The following ELF2 variants were observed in gnomAD, a reference collection of about 807,000 sequenced individuals.
ELF2 encodes E74 like ETS transcription factor 2.
Under a neutral mutation model 54.8 loss-of-function variants are expected in ELF2, and 11 were observed. The ratio of observed to expected loss-of-function variants is 0.20; its 90% CI spans 0.13 to 0.33. ELF2 has a LOEUF of 0.33. Among genes scored for constraint, ELF2 ranks in the 10% least tolerant of loss-of-function variants. The pLI is 1.00. For synonymous variants in ELF2, 203 were observed against 245.1 expected (o/e 0.83, Z 1.61); for missense variants, 513 against 703.0 (o/e 0.73, Z 3.06).
chr4:139,098,688 T>G (rs994717288), intron 4 of ELF2, among the ~76,000 whole-genome samples: 7 of 152,208 alleles, frequency 4.6e-5, no homozygotes, highest in Admixed American at 1.3e-4. Flanking sequence ...CAGGCTGCTC[T>G]TGAACTCCTG....
intron 4 of ELF2, among the ~76,000 whole-genome samples, chr4:139,114,441 C>G (rs1254235540): frequency 6.6e-6 from 1 of 151,806 alleles, no homozygotes; most frequent in African/African-American, 2.4e-5. Context: ...TGGTGGTGCG[C>G]GCCTGTAATC....
intron 4 of ELF2, among the ~76,000 whole-genome samples, chr4:139,103,337 C>A (rs1446602007): frequency 6.6e-6 from 1 of 152,118 alleles, no homozygotes; most frequent in South Asian, 2.1e-4. Flanking sequence ...AGGATGGGGG[C>A]TAGTCACCAG....
At chr4:139,088,141 G>C (rs970915859) in intron 4 of ELF2, among the ~76,000 whole-genome samples, 1 of 151,964 alleles carries the variant, frequency 6.6e-6, no homozygotes, top group Admixed American at 6.6e-5. Flanking sequence ...ACAAAAATTA[G>C]CTGGGTGTGG....
At chr4:139,128,106 G>C (rs113897741) in intron 3 of ELF2, among the ~76,000 whole-genome samples, 4,084 of 151,540 alleles carry the variant, frequency 0.027, 95 homozygotes, top group African/African-American at 0.064. Context: ...CCTATCTCTA[G>C]AAAAAATAAA....
At chr4:139,143,257 C>T (rs936481311) in intron 1 of ELF2, among the ~76,000 whole-genome samples, 2 of 152,086 alleles carry the variant, frequency 1.3e-5, no homozygotes. Flanking sequence ...CTTGTGAGGG[C>T]CATGGTAAGC....
intron 4 of ELF2, among the ~76,000 whole-genome samples, chr4:139,114,479 G>A (rs1370785142): frequency 4.6e-5 from 7 of 151,550 alleles, no homozygotes; most frequent in Non-Finnish European, 8.8e-5. Flanking sequence ...TGAGGCAGGA[G>A]AATCGCTTGA....
chr4:139,066,764 G>A (rs1052447294), intron 7 of ELF2: 6 of 151,266 alleles, frequency 4.0e-5, no homozygotes, highest in Non-Finnish European at 7.4e-5. Flanking sequence ...GCGGTGGTGT[G>A]TGCGTGTAGT....
At chr4:139,104,968 G>A (rs929544344) in intron 4 of ELF2, among the ~76,000 whole-genome samples, 2 of 152,058 alleles carry the variant, frequency 1.3e-5, no homozygotes, top group African/African-American at 4.8e-5. Context: ...TCGCAACTTA[G>A]TAAGCTTCTT....
chr4:139,146,665 T>A (rs1224435675), intron 1 of ELF2, among the ~76,000 whole-genome samples: 4 of 152,076 alleles, frequency 2.6e-5, no homozygotes, highest in African/African-American at 9.7e-5. Context: ...GGTACTGGTA[T>A]AAAAATAGAC....
intron 4 of ELF2, among the ~76,000 whole-genome samples, chr4:139,075,415 A>G (rs2148705878): frequency 6.6e-6 from 1 of 152,182 alleles, no homozygotes; most frequent in East Asian, 1.9e-4. Context: ...CTTTTCATGG[A>G]GCAGACATGC....
chr4:139,086,630 AG>A (rs1356352979), intron 4 of ELF2, among the ~76,000 whole-genome samples: 1 of 152,184 alleles, frequency 6.6e-6, no homozygotes, highest in East Asian at 1.9e-4. Context: ...TTTCTGTTAT[AG>A]GTGCTTATTA....
intron 4 of ELF2, among the ~76,000 whole-genome samples, chr4:139,080,597 A>AAAAAT (rs1730969397): frequency 6.6e-6 from 1 of 152,166 alleles, no homozygotes; most frequent in Non-Finnish European, 1.5e-5. Context: ...TCGCAAATGT[A>AAAAAT]AAAATAAAAT....
At chr4:139,155,057 G>C (rs1740391261) in intron 1 of ELF2, 1 of 152,152 alleles carries the variant, frequency 6.6e-6, no homozygotes, top group Non-Finnish European at 1.5e-5. Context: ...AATTGATTGA[G>C]ACCTGTCTCA....
At chr4:139,151,040 G>GAAAAGAAAAGAAAAGA (rs1353592026) in intron 1 of ELF2, among the ~76,000 whole-genome samples, 1 of 55,776 alleles carries the variant, frequency 1.8e-5, no homozygotes, top group African/African-American at 4.9e-5. Flanking sequence ...AAAAAAGAAA[G>GAAAAGAAAAGAAAAGA]AAAGAAAGAA....
intron 9 of ELF2, among the ~76,000 whole-genome samples, chr4:139,060,096 T>C (rs1727611591): frequency 6.6e-6 from 1 of 152,184 alleles, no homozygotes. Flanking sequence ...GCAATCCTCC[T>C]GTCTTGGACT....
intron 1 of ELF2, among the ~76,000 whole-genome samples, chr4:139,146,472 T>C (rs1299741577): frequency 2.0e-5 from 3 of 152,170 alleles, no homozygotes; most frequent in Admixed American, 6.5e-5. Context: ...ACAGATTCAA[T>C]ACAAATCTGA....
intron 7 of ELF2, among the ~76,000 whole-genome samples, chr4:139,064,646 G>A (rs187518362): frequency 1.3e-5 from 2 of 152,232 alleles, no homozygotes; most frequent in Non-Finnish European, 2.9e-5. Flanking sequence ...TTGGGAGGCC[G>A]TGGCGGGCGG....
chr4:139,110,714 T>C (rs1734870973), intron 4 of ELF2, among the ~76,000 whole-genome samples: 1 of 152,168 alleles, frequency 6.6e-6, no homozygotes, highest in South Asian at 2.1e-4. Flanking sequence ...TTAGGAGCTA[T>C]GATTTGAATC....
intron 3 of ELF2, among the ~76,000 whole-genome samples, chr4:139,127,679 T>C (rs567430410): frequency 6.6e-6 from 1 of 152,242 alleles, no homozygotes; most frequent in South Asian, 2.1e-4. Flanking sequence ...AAAATCATTT[T>C]GCATTAAAAA....
Sources: allele counts gnomAD v4.1 joint callset (sites outside exome capture counted in the v4.1 genomes callset), GRCh38; gene constraint gnomAD v4.1.1; transcripts MANE v1.5; gene names NCBI Gene and HGNC (gene_info 2026-07-23, HGNC 2026-07-21).